TRAF3IP1: variants seen among roughly 807,000 people sequenced by gnomAD.
TRAF3IP1 encodes the protein TRAF3-interacting protein 1.
Under a neutral mutation model 89.9 loss-of-function variants are expected in TRAF3IP1, and 53 were observed. The ratio of observed to expected loss-of-function variants is 0.59; its 90% CI spans 0.47 to 0.74. The LOEUF (loss-of-function observed/expected upper bound fraction) is 0.74. Ranked by LOEUF, TRAF3IP1 falls within the 30% of genes least tolerant of loss-of-function variation. TRAF3IP1 has a pLI of 0.00. For synonymous variants in TRAF3IP1, 311 were observed against 322.1 expected (o/e 0.97, Z 0.37); for missense variants, 806 against 866.1 (o/e 0.93, Z 0.87).
intron 15 of TRAF3IP1, among the ~76,000 whole-genome samples, chr2:238,382,660 A>G (rs915489892): frequency 6.6e-6 from 1 of 152,028 alleles, no homozygotes. Context: ...AGCAGCTCAC[A>G]GTCGAGTGTC....
At chr2:238,383,939 A>G (rs1020302226) in intron 15 of TRAF3IP1, among the ~76,000 whole-genome samples, 6 of 152,184 alleles carry the variant, frequency 3.9e-5, no homozygotes, top group East Asian at 1.9e-4. Context: ...CTTGTTTCAC[A>G]TATCTCCCCT....
intron 15 of TRAF3IP1, among the ~76,000 whole-genome samples, chr2:238,393,479 CTT>C (rs925295971): frequency 8.5e-5 from 13 of 152,120 alleles, no homozygotes; most frequent in Admixed American, 3.3e-4. Flanking sequence ...CATTCTGTGA[CTT>C]ACCTTTGCGG....
chr2:238,340,860 CAGAG>C (rs201408891), intron 8 of TRAF3IP1, among the ~76,000 whole-genome samples: 4 of 143,998 alleles, frequency 2.8e-5, no homozygotes, highest in South Asian at 2.2e-4. Flanking sequence ...GAGAGAGAGA[CAGAG>C]AGACAGAGAC....
chr2:238,332,419 G>A (rs750152846), intron 5 of TRAF3IP1, among the ~76,000 whole-genome samples: 6 of 152,214 alleles, frequency 3.9e-5, no homozygotes, highest in Admixed American at 3.3e-4. Context: ...GTGATCAGCA[G>A]AGGCGGCTAG....
At chr2:238,356,674 GA>G in intron 15 of TRAF3IP1, among the ~76,000 whole-genome samples, 1 of 152,246 alleles carries the variant, frequency 6.6e-6, no homozygotes, top group Non-Finnish European at 1.5e-5. Context: ...CTGACTCCCT[GA>G]CTCTCCCCTT....
chr2:238,372,581 A>G (rs1700154810), intron 15 of TRAF3IP1, among the ~76,000 whole-genome samples: 1 of 152,212 alleles, frequency 6.6e-6, no homozygotes, highest in Non-Finnish European at 1.5e-5. Context: ...GAGTAGTGCC[A>G]TAATAAACGT....
At chr2:238,394,619 T>G (rs539123862) in intron 15 of TRAF3IP1, among the ~76,000 whole-genome samples, 81 of 152,368 alleles carry the variant, frequency 5.3e-4, no homozygotes, top group African/African-American at 1.9e-3. Context: ...TAGTTGATTT[T>G]CATATGCTCA....
intron 8 of TRAF3IP1, among the ~76,000 whole-genome samples, chr2:238,338,947 G>A (rs1179752570): frequency 2.0e-5 from 3 of 152,208 alleles, no homozygotes; most frequent in Admixed American, 6.5e-5. Context: ...CTCAGAGGGG[G>A]TGGTCCTTGG....
Position 238,351,164 on chromosome 2 carries a change from G to A in TRAF3IP1, c.1452-1663G>A, listed in dbSNP as rs777676731. 2.1e-4 allele frequency among the ~76,000 whole-genome samples: 32 copies of A among 152,202 alleles called. No homozygotes were observed. Among genetic ancestry groups the A allele is most frequent in the Non-Finnish European group, 4.3e-4 (29 of 68,000 alleles). On this transcript the variant is annotated intron_variant, in intron 12 of 16. Coordinates refer to ENST00000373327, the MANE Select transcript of TRAF3IP1 (RefSeq NM_015650.4). This position sits in a 1 kb window ranked among gnomAD's most constrained non-coding sequence, Gnocchi z 5.2. ...GACAGGGGTGCCCCTGGGAGTGGGC[G>A]TCGAGTGTGGGAGGTGGGATCATCC...
intron 14 of TRAF3IP1, 103 bp from the exon 15 acceptor site, chr2:238,355,901 A>G: frequency 1.3e-6 from 1 of 785,436 alleles, no homozygotes; most frequent in Non-Finnish European, 2.2e-6. Flanking sequence ...ATAAAAAGAG[A>G]TAGGATAAAA....
intron 8 of TRAF3IP1, among the ~76,000 whole-genome samples, chr2:238,341,980 CATTTT>C (rs1698681972): frequency 6.6e-6 from 1 of 151,822 alleles, no homozygotes; most frequent in Admixed American, 6.6e-5. Flanking sequence ...AATTCATAGT[CATTTT>C]TATTTTATTT....
At chr2:238,342,035 T>C (rs1698683918) in intron 8 of TRAF3IP1, among the ~76,000 whole-genome samples, 1 of 152,134 alleles carries the variant, frequency 6.6e-6, no homozygotes, top group African/African-American at 2.4e-5. Flanking sequence ...TATTGCCAGG[T>C]TGGAGTGCAG....
intron 15 of TRAF3IP1, among the ~76,000 whole-genome samples, chr2:238,357,986 A>G (rs1346349554): frequency 6.6e-6 from 1 of 152,182 alleles, no homozygotes; most frequent in African/African-American, 2.4e-5. Context: ...TGAGAACTTC[A>G]AAGTCAGGGT....
intron 15 of TRAF3IP1, among the ~76,000 whole-genome samples, chr2:238,391,683 C>T (rs1169516696): frequency 6.6e-6 from 1 of 152,096 alleles, no homozygotes; most frequent in Non-Finnish European, 1.5e-5. Flanking sequence ...TGGTCCTGTG[C>T]AATAGAAATA....
intron 6 of TRAF3IP1, 52 bp from the exon 7 acceptor site, chr2:238,333,908 A>G (rs1221360666): frequency 6.3e-6 from 9 of 1,422,120 alleles, no homozygotes; most frequent in Non-Finnish European, 8.8e-6. Flanking sequence ...CCTGCTTATG[A>G]TACTGCTGTG....
chr2:238,334,105 A>G (rs1698267486), intron 7 of TRAF3IP1, 70 bp downstream of exon 7: 20 of 1,180,554 alleles, frequency 1.7e-5, no homozygotes, highest in African/African-American at 3.1e-5. Context: ...CTTAATCTCA[A>G]TGTCTAGTAG....
intron 12 of TRAF3IP1, among the ~76,000 whole-genome samples, chr2:238,352,264 A>G (rs922580984): frequency 6.6e-6 from 1 of 151,948 alleles, no homozygotes; most frequent in Non-Finnish European, 1.5e-5. Context: ...ACTTGGGTGG[A>G]GCGCAGTGTG....
chr2:238,355,937 C>T (rs980186020), intron 14 of TRAF3IP1, 67 bp from the exon 15 acceptor site: 1 of 1,143,876 alleles, frequency 8.7e-7, no homozygotes, highest in Non-Finnish European at 1.3e-6. Flanking sequence ...CACCATCCCA[C>T]CCATTTAGAA....
At chr2:238,352,290 G>A (rs1404953338) in intron 12 of TRAF3IP1, among the ~76,000 whole-genome samples, 2 of 152,076 alleles carry the variant, frequency 1.3e-5, no homozygotes, top group African/African-American at 2.4e-5. Context: ...GGTGCTGAGC[G>A]GGACATAGGG....
Sources: allele counts gnomAD v4.1 joint callset (sites outside exome capture counted in the v4.1 genomes callset), GRCh38; gene constraint gnomAD v4.1.1; non-coding constraint Gnocchi (gnomAD v3.1); transcripts MANE v1.5; gene names NCBI Gene and HGNC (gene_info 2026-07-23, HGNC 2026-07-21).